The following CSGALNACT1 variants were observed in gnomAD, a reference collection of about 807,000 sequenced individuals.
The protein encoded by CSGALNACT1 is chondroitin sulfate N-acetylgalactosaminyltransferase 1.
In CSGALNACT1, 52 loss-of-function variants were observed where a neutral mutation model predicts 51.0. That is an observed-to-expected ratio of 1.02 (90% CI 0.82 to 1.29). The LOEUF (loss-of-function observed/expected upper bound fraction) is 1.29, where lower values mean the gene tolerates loss of function less well. Ranked by LOEUF, CSGALNACT1 falls within the 50% of genes most tolerant of loss-of-function variation. The pLI, the probability that CSGALNACT1 is intolerant of heterozygous loss-of-function variation, is 0.00. For missense variants in CSGALNACT1, 935 were observed against 679.2 expected (o/e 1.38, Z -4.19); for synonymous variants, 341 against 254.4 (o/e 1.34, Z -3.24).
At chr8:19,409,672 G>A (rs1411378960) in intron 8 of CSGALNACT1, among the ~76,000 whole-genome samples, 2 of 152,104 alleles carry the variant, frequency 1.3e-5, no homozygotes, top group African/African-American at 4.8e-5. Flanking sequence ...GTCCTCTGGG[G>A]AAAGGTAGAG....
chr8:19,505,138 C>A (rs761896757), intron 4 of CSGALNACT1, 63 bp downstream of exon 3: 2 of 1,598,120 alleles, frequency 1.3e-6, no homozygotes, highest in African/African-American at 2.7e-5. Context: ...TGGAACCTGC[C>A]TGGGTGCCAG....
chr8:19,745,362 T>C (rs2064584910), intron 1 of CSGALNACT1, among the ~76,000 whole-genome samples: 1 of 152,200 alleles, frequency 6.6e-6, no homozygotes, highest in Non-Finnish European at 1.5e-5. Context: ...TACATAATAA[T>C]TGTACATACT....
At chr8:19,592,388 T>C (rs914674354) in intron 2 of CSGALNACT1, among the ~76,000 whole-genome samples, 1 of 152,202 alleles carries the variant, frequency 6.6e-6, no homozygotes, top group African/African-American at 2.4e-5. Context: ...ATGGTTCAGA[T>C]AAAATAGTAT....
intron 1 of CSGALNACT1, among the ~76,000 whole-genome samples, chr8:19,667,676 CTCAGA>C (rs2059489934): frequency 6.6e-6 from 1 of 152,170 alleles, no homozygotes; most frequent in African/African-American, 2.4e-5. Flanking sequence ...ACGTCTCTTC[CTCAGA>C]TCAGGAGAGC....
At chr8:19,502,997 T>C (rs1045508252) in intron 4 of CSGALNACT1, among the ~76,000 whole-genome samples, 4 of 152,204 alleles carry the variant, frequency 2.6e-5, no homozygotes, top group African/African-American at 4.8e-5. Flanking sequence ...TGGCCCCTTA[T>C]ACTGCACTTA....
chr8:19,449,363 G>A (rs1162563810), intron 5 of CSGALNACT1, among the ~76,000 whole-genome samples: 1 of 152,170 alleles, frequency 6.6e-6, no homozygotes. Context: ...GAGAGGTAGA[G>A]GGGCTTAAGG....
chr8:19,605,370 A>G (rs2051222850), upstream of CSGALNACT1, among the ~76,000 whole-genome samples: 1 of 152,192 alleles, frequency 6.6e-6, no homozygotes, highest in African/African-American at 2.4e-5. Context: ...TAGGAGGTGG[A>G]GGTCGCAGTG....
intron 3 of CSGALNACT1, among the ~76,000 whole-genome samples, chr8:19,565,498 G>A (rs2041723921): frequency 1.3e-5 from 2 of 152,200 alleles, no homozygotes; most frequent in South Asian, 2.1e-4. Flanking sequence ...TCCAACTCAA[G>A]ATCCTCTGAT....
intron 1 of CSGALNACT1, among the ~76,000 whole-genome samples, chr8:19,739,049 T>C (rs949633291): frequency 5.3e-5 from 8 of 152,082 alleles, no homozygotes; most frequent in Non-Finnish European, 1.0e-4. Flanking sequence ...ATTCAGTAAT[T>C]TTTAAAGAAT....
chr8:19,676,223 G>A (rs1247514260), intron 1 of CSGALNACT1, among the ~76,000 whole-genome samples: 3 of 152,046 alleles, frequency 2.0e-5, no homozygotes, highest in Non-Finnish European at 2.9e-5. Flanking sequence ...AGTTTCCAAC[G>A]GAAAAGACAA....
intron 4 of CSGALNACT1, among the ~76,000 whole-genome samples, chr8:19,475,468 T>A (rs1402533521): frequency 6.6e-6 from 1 of 152,148 alleles, no homozygotes; most frequent in Non-Finnish European, 1.5e-5. Context: ...TATGTTCCAA[T>A]CACCATAAAG....
At chr8:19,738,248 A>T (rs1163065367) in intron 1 of CSGALNACT1, among the ~76,000 whole-genome samples, 1 of 152,196 alleles carries the variant, frequency 6.6e-6, no homozygotes, top group Non-Finnish European at 1.5e-5. Flanking sequence ...ATTTTTCCTA[A>T]TGGGGAAATA....
At chr8:19,535,458 G>C (rs1001683300) in intron 3 of CSGALNACT1, among the ~76,000 whole-genome samples, 2 of 152,158 alleles carry the variant, frequency 1.3e-5, no homozygotes, top group African/African-American at 4.8e-5. Context: ...TGATTTACCA[G>C]TTGAACTCTC....
chr8:19,618,094 G>C (rs976171589), intron 1 of CSGALNACT1, among the ~76,000 whole-genome samples: 3 of 151,668 alleles, frequency 2.0e-5, no homozygotes, highest in Non-Finnish European at 4.4e-5. Context: ...GCCCAGGCTG[G>C]TCTCAAAGTC....
rs535215896 is a variant in CSGALNACT1 at position 19,505,090 on chromosome 8, G to A, written c.634+111C>T. On this transcript the variant is annotated intron_variant, in intron 4 of 9. Transcript: ENST00000454498. ...TGGTGTCACACACATAAAACTTTCCGCCAGCCATCCCAGAGCCAGCTGCCA... is the reference window on the plus strand; with the variant it reads ...TGGTGTCACACACATAAAACTTTCCACCAGCCATCCCAGAGCCAGCTGCCA... 3.6e-3 allele frequency: 4,374 copies of A among 1,214,798 alleles called. 17 individuals are homozygous for A. Among genetic ancestry groups the A allele is most frequent in the Non-Finnish European group, 3.9e-3 (3,174 of 821,424 alleles). 75.3% of individuals were successfully genotyped at this position (1,214,798 alleles called of 1,614,324 possible).
At chr8:19,585,689 G>A (rs1330306498) in intron 3 of CSGALNACT1, among the ~76,000 whole-genome samples, 2 of 152,166 alleles carry the variant, frequency 1.3e-5, no homozygotes, top group East Asian at 3.9e-4. Context: ...CTGAGGAATG[G>A]AGATTCTAGA....
At chr8:19,662,141 T>G (rs1017022112) in intron 1 of CSGALNACT1, among the ~76,000 whole-genome samples, 1 of 130,364 alleles carries the variant, frequency 7.7e-6, no homozygotes, top group Non-Finnish European at 1.6e-5. Context: ...TGAGGCTAGG[T>G]GCGGTGGGGC....
intron 4 of CSGALNACT1, among the ~76,000 whole-genome samples, chr8:19,478,830 CAAAGT>C (rs1361255443): frequency 6.6e-6 from 1 of 152,154 alleles, no homozygotes; most frequent in Admixed American, 6.5e-5. Flanking sequence ...TCAAATGAAA[CAAAGT>C]AAACAACATT....
rs368959925 is a variant in CSGALNACT1 at position 19,460,616 on chromosome 8, G to C, written c.635-1974C>G. Among the ~76,000 whole-genome samples the C allele has an allele frequency of 1.2e-4, 19 of 152,332 alleles. No homozygotes were observed. In the East Asian group the frequency reaches 2.3e-3, roughly 19 times the overall value. ...CAATCTCCAGGGAGAAATCTGACAAGTGACACTGTGTGGAGTTTCAGTTAC... is the reference window on the plus strand; with the variant it reads ...CAATCTCCAGGGAGAAATCTGACAACTGACACTGTGTGGAGTTTCAGTTAC... On this transcript the variant is annotated intron_variant, in intron 4 of 9. Transcript: ENST00000454498.
Sources: allele counts gnomAD v4.1 joint callset (sites outside exome capture counted in the v4.1 genomes callset), GRCh38; gene constraint gnomAD v4.1.1; transcripts MANE v1.5; gene names NCBI Gene and HGNC (gene_info 2026-07-23, HGNC 2026-07-21).